OXNAD1: variants seen among roughly 807,000 people sequenced by gnomAD.
The protein encoded by OXNAD1 is oxidoreductase NAD binding domain containing 1.
In OXNAD1, 34 loss-of-function variants were observed where a neutral mutation model predicts 32.9. The ratio of observed to expected loss-of-function variants is 1.03; its 90% CI spans 0.79 to 1.38. The LOEUF (loss-of-function observed/expected upper bound fraction) is 1.38. Among genes scored for constraint, OXNAD1 ranks in the 40% most tolerant of loss-of-function variants. OXNAD1 has a pLI of 0.00. For missense variants in OXNAD1, 407 were observed against 379.4 expected, an observed-to-expected ratio of 1.07 and a Z score of -0.60; for synonymous variants, 134 against 135.2, an observed-to-expected ratio of 0.99 and a Z score of 0.06.
rs1302763684 is a variant in OXNAD1 at position 16,327,224 on chromosome 3, T to C, written c.*31-9888T>C. On this transcript the variant is annotated intron_variant, in intron 9 of 9. Coordinates refer to the OXNAD1 transcript ENST00000435829. This position sits in a 1 kb window ranked among gnomAD's most constrained non-coding sequence, Gnocchi z 4.2. ...ACCTCTGAGCGGTATCCAGGGCATA[T>C]AACTACACGTGCTGCTCTGAATGAG... Among the ~76,000 whole-genome samples the C allele has an allele frequency of 6.6e-6, 1 of 152,204 alleles. No individual in the cohort carries two copies. Among genetic ancestry groups the C allele is most frequent in the Non-Finnish European group, 1.5e-5 (1 of 68,042 alleles).
chr3:16,296,753 T>C (rs2066825859), intron 6 of OXNAD1, among the ~76,000 whole-genome samples: 1 of 152,162 alleles, frequency 6.6e-6, no homozygotes, highest in South Asian at 2.1e-4. Flanking sequence ...ACAAAAGTTC[T>C]GGAACAATTT....
At chr3:16,324,090 G>A (rs1034404940) in intron 9 of OXNAD1, among the ~76,000 whole-genome samples, 1 of 147,538 alleles carries the variant, frequency 6.8e-6, no homozygotes, top group East Asian at 2.0e-4. Flanking sequence ...TAGAAGTATT[G>A]TAAAGAAGAT....
chr3:16,294,671 A>G (rs905759777), intron 5 of OXNAD1, among the ~76,000 whole-genome samples, 185 bp from the exon 6 acceptor site: 23 of 152,204 alleles, frequency 1.5e-4, no homozygotes, highest in Admixed American at 1.2e-3. Context: ...TTTTTGGCAT[A>G]TAGTTGTTCA....
intron 4 of OXNAD1, among the ~76,000 whole-genome samples, chr3:16,273,841 CT>C (rs1458475974): frequency 6.6e-6 from 1 of 152,112 alleles, no homozygotes; most frequent in African/African-American, 2.4e-5. Context: ...ACCACAAAGT[CT>C]TTTACATTTT....
At chr3:16,347,566 G>A (rs963207501) in intron 9 of OXNAD1, 3 of 152,126 alleles carry the variant, frequency 2.0e-5, no homozygotes, top group Admixed American at 6.5e-5. Context: ...TCACCTCTAT[G>A]TGTATAAAAT....
chr3:16,307,685 G>A (rs1314243826), downstream of OXNAD1, among the ~76,000 whole-genome samples: 1 of 152,238 alleles, frequency 6.6e-6, no homozygotes, highest in African/African-American at 2.4e-5. Flanking sequence ...GGAAAGGGAA[G>A]TGGGGTCAAG....
Position 16,345,868 on chromosome 3 carries a change from TC to T in OXNAD1, c.*31-3306del, listed in dbSNP as rs909597006. The T allele has an allele frequency of 2.0e-5, 3 of 150,132 alleles. No homozygotes were observed. Among genetic ancestry groups the T allele is most frequent in the African/African-American group, 7.4e-5 (3 of 40,780 alleles). 9.3% of individuals were successfully genotyped at this position (150,132 alleles called of 1,614,324 possible). A position where few individuals can be genotyped will look rare whatever the true frequency, so the allele number is the denominator to read the frequency against. On this transcript the variant is annotated intron_variant, in intron 9 of 9. Coordinates refer to the OXNAD1 transcript ENST00000606098. This position sits in a 1 kb window ranked among gnomAD's most constrained non-coding sequence, Gnocchi z 5.2. The stretch of plus-strand genomic sequence containing the variant: ...CATGTGCATGTGTATGTGTATAATC[TC>T]CTACTGGTTCTGTTTTACTGGAGAA...
downstream of OXNAD1, among the ~76,000 whole-genome samples, chr3:16,307,921 T>G (rs2067681844): frequency 1.3e-5 from 2 of 152,160 alleles, no homozygotes; most frequent in South Asian, 4.1e-4. Context: ...TTCTGTTTTT[T>G]TAAGAGGAGT....
At chr3:16,283,278 TC>T (rs2125030781) in intron 4 of OXNAD1, among the ~76,000 whole-genome samples, 1 of 152,296 alleles carries the variant, frequency 6.6e-6, no homozygotes, top group South Asian at 2.1e-4. Context: ...CAATAAGTGT[TC>T]GTGGAAGGAA....
In OXNAD1 at chr3:16,287,092, A is replaced by G. The variant is rs780643998; in HGVS notation, c.290+644A>G. On this transcript the variant is annotated intron_variant, in intron 5 of 8. Coordinates refer to ENST00000285083, the MANE Select transcript of OXNAD1 (RefSeq NM_138381.5). The surrounding 1 kb of genome is among the most constrained non-coding windows in gnomAD (Gnocchi z 4.8). The stretch of plus-strand genomic sequence containing the variant: ...CTGATCAGCATGCTGACTGGGTAAC[A>G]TTTCCTCCGAATGGGGCCTCCCTGA... Among the ~76,000 whole-genome samples the G allele has an allele frequency of 6.6e-6, 1 of 152,196 alleles. No homozygotes were observed. Among genetic ancestry groups the G allele is most frequent in the Non-Finnish European group, 1.5e-5 (1 of 68,040 alleles).
intron 4 of OXNAD1, among the ~76,000 whole-genome samples, chr3:16,274,440 C>G (rs1339110600): frequency 3.9e-5 from 6 of 152,124 alleles, no homozygotes; most frequent in Non-Finnish European, 5.9e-5. Flanking sequence ...GGTGTATTTT[C>G]CTTTATGTAA....
At chr3:16,291,662 TC>T (rs2066437688) in intron 5 of OXNAD1, among the ~76,000 whole-genome samples, 1 of 152,236 alleles carries the variant, frequency 6.6e-6, no homozygotes, top group Non-Finnish European at 1.5e-5. Context: ...TTACATTGTT[TC>T]CACTTTGGGG....
downstream of OXNAD1, among the ~76,000 whole-genome samples, chr3:16,307,356 CTAAT>C (rs1442672492): frequency 2.6e-5 from 4 of 152,118 alleles, no homozygotes; most frequent in African/African-American, 7.2e-5. Context: ...AAAAAGTTCT[CTAAT>C]AAACAGGTAG....
In OXNAD1 at chr3:16,345,788, C is replaced by CTGTCTGTGTGTGTGTGTGTG. The variant is rs765619275; in HGVS notation, c.*31-3385_*31-3384insCTGTGTGTGTGTGTGTGTGT. On this transcript the variant is annotated intron_variant, in intron 9 of 9. Coordinates refer to the OXNAD1 transcript ENST00000606098. The surrounding 1 kb of genome is among the most constrained non-coding windows in gnomAD (Gnocchi z 5.2). ...TGAGCCAAAACCTTATAATAAATCT[C>CTGTCTGTGTGTGTGTGTGTG]TGTGTGTGTGTGTGTGTGTGTGTGT... Among the ~76,000 whole-genome samples the CTGTCTGTGTGTGTGTGTGTG allele has an allele frequency of 1.2e-4, 15 of 127,170 alleles. No homozygotes were observed. The highest frequency in any genetic ancestry group is 2.4e-4 in the African/African-American group (8 of 33,030). 83.4% of individuals were successfully genotyped at this position (127,170 alleles called of 152,430 possible). A position where few individuals can be genotyped will look rare whatever the true frequency, so the allele number is the denominator to read the frequency against.
rs1302019567 is a variant in OXNAD1, at chr3:16,327,346, G to A, written c.*31-9766G>A. ...CACACACATGCACATCCACATGTGT[G>A]TGTACACGCAGAAGCTGCTTTGCCT... On this transcript the variant is annotated intron_variant, in intron 9 of 9. Transcript: ENST00000435829. This position sits in a 1 kb window ranked among gnomAD's most constrained non-coding sequence, Gnocchi z 4.2. 1.3e-5 allele frequency among the ~76,000 whole-genome samples: 2 copies of A among 152,216 alleles called. No individual in the cohort carries two copies. Among genetic ancestry groups the A allele is most frequent in the Non-Finnish European group, 2.9e-5 (2 of 68,030 alleles).
intron 6 of OXNAD1, among the ~76,000 whole-genome samples, chr3:16,295,741 C>T (rs867719212): frequency 3.3e-5 from 5 of 152,180 alleles, no homozygotes; most frequent in Non-Finnish European, 7.3e-5. Flanking sequence ...CAACAACCTC[C>T]ATCCCAACCA....
chr3:16,325,617 A>T (rs1039031419), intron 9 of OXNAD1, among the ~76,000 whole-genome samples: 1 of 152,180 alleles, frequency 6.6e-6, no homozygotes, highest in Non-Finnish European at 1.5e-5. Context: ...TTTCTACACC[A>T]CTGCATTGCC....
chr3:16,298,147 G>T lies in OXNAD1; in HGVS notation c.432+3150G>T, dbSNP rs1366359101. ...TGCAACCTTCTGAGTCTCTCCGTCA[G>T]TGTGGCCTCAGCTGCCTCATTGCTT... On this transcript the variant is annotated intron_variant, in intron 6 of 8. Transcript: ENST00000285083. This position sits in a 1 kb window ranked among gnomAD's most constrained non-coding sequence, Gnocchi z 5.1. Among the ~76,000 whole-genome samples the T allele has an allele frequency of 2.0e-5, 3 of 152,096 alleles. No individual in the cohort carries two copies. The highest frequency in any genetic ancestry group is 4.4e-5 in the Non-Finnish European group (3 of 68,024).
downstream of OXNAD1, among the ~76,000 whole-genome samples, chr3:16,351,551 T>C (rs2072105213): frequency 6.6e-6 from 1 of 152,176 alleles, no homozygotes; most frequent in Admixed American, 6.5e-5. The surrounding 1 kb of genome is among the most constrained non-coding windows in gnomAD (Gnocchi z 5.4). Flanking sequence ...CCCTAAGCCA[T>C]TCTACCTGAG....
Sources: allele counts gnomAD v4.1 joint callset (sites outside exome capture counted in the v4.1 genomes callset), GRCh38; gene constraint gnomAD v4.1.1; non-coding constraint Gnocchi (gnomAD v3.1); transcripts MANE v1.5; gene names NCBI Gene and HGNC (gene_info 2026-07-23, HGNC 2026-07-21).